Variants in WDR33 observed in about 807,000 individuals in gnomAD.
WDR33 encodes the protein WD repeat domain 33, also known as pre-mRNA 3' end processing protein WDR33.
WDR33 carries 47 observed loss-of-function variants against 164.9 expected under a neutral mutation model. The observed-to-expected ratio is 0.29, with a 90% CI of 0.23 to 0.36. The LOEUF is 0.36. WDR33 is among the 10% of genes least tolerant of loss of function. The pLI is 1.00. For synonymous variants in WDR33, 505 were observed against 589.0 expected (o/e 0.86, Z 2.06); for missense variants, 1,137 against 1,754.1 (o/e 0.65, Z 6.28).
At position 127,786,641 on chromosome 2, in the gene WDR33, G is replaced by A. The variant is rs377711139; in HGVS notation, c.-23-15637C>T. On this transcript the variant is annotated intron_variant, in intron 1 of 21. Coordinates refer to ENST00000322313, the MANE Select transcript of WDR33 (RefSeq NM_018383.5). ...GGAGATTTCAGTGAGCCAAGATTGC[G>A]TCACTGCACTCCAGCCTGGGCAAAA... 2.3e-4 allele frequency among the ~76,000 whole-genome samples: 35 copies of A among 152,200 alleles called. 1 individual carries two copies. In the South Asian group the frequency reaches 6.8e-3, roughly 30 times the overall value.
rs770609453 is a variant in WDR33, at chr2:127,726,636, G to C, written c.851+15C>G. The C allele has an allele frequency of 6.2e-7, 1 of 1,613,688 alleles. No homozygotes were observed. Among genetic ancestry groups the C allele is most frequent in the South Asian group, 1.1e-5 (1 of 91,008 alleles). On this transcript the variant is annotated intron_variant, in intron 8 of 21. Transcript: ENST00000322313. This position sits in a 1 kb window ranked among gnomAD's most constrained non-coding sequence, Gnocchi z 4.8. ...CCCTTTGTTCAGGGGCCAAGGTGGG[G>C]TTCCTGTCACTTACAGTGTTGCAAG...
chr2:127,770,709 AAATAAATAAATAAAT>A lies in WDR33; in HGVS notation c.204+54_204+68del, dbSNP rs1687973332. On this transcript the variant is annotated intron_variant, in intron 2 of 21. Coordinates refer to ENST00000322313, the MANE Select transcript of WDR33 (RefSeq NM_018383.5). The surrounding 1 kb of genome is among the most constrained non-coding windows in gnomAD (Gnocchi z 4.9). The stretch of plus-strand genomic sequence containing the variant: ...TCCATCTCAAAATAAATAAATAAAT[AAATAAATAAATAAAT>A]AAATAAATAAATAACCAAAGTTTGG... The A allele has an allele frequency of 1.3e-6, 1 of 781,354 alleles. No homozygotes were observed. Among genetic ancestry groups the A allele is most frequent in the African/African-American group, 2.0e-5 (1 of 51,152 alleles). The allele number at this position is 781,354 out of a possible 1,614,324, so 48.4% of individuals were successfully genotyped here.
chr2:127,765,737 T>G (rs1687801171), intron 4 of WDR33, among the ~76,000 whole-genome samples: 1 of 149,530 alleles, frequency 6.7e-6, no homozygotes, highest in Admixed American at 6.7e-5. Context: ...AAGATAATAA[T>G]AAGTACCGAT....
rs1335141322 is a variant in WDR33, at chr2:127,738,730, C to CAATATA, written c.725-11959_725-11954dup. Among the ~76,000 whole-genome samples, 2 of 152,152 alleles carry CAATATA rather than the reference C, an allele frequency of 1.3e-5. No individual in the cohort carries two copies. The highest frequency in any genetic ancestry group is 2.9e-5 in the Non-Finnish European group (2 of 68,036). ...TAAATCACAACTGAGGGACATTCTG[C>CAATATA]AATATACTATACAACTTCTCATCAA... On this transcript the variant is annotated intron_variant, in intron 7 of 21. Transcript: ENST00000322313. The surrounding 1 kb of genome is among the most constrained non-coding windows in gnomAD (Gnocchi z 4.4).
intron 1 of WDR33, among the ~76,000 whole-genome samples, chr2:127,805,831 T>C (rs538094520): frequency 1.1e-4 from 16 of 152,176 alleles, no homozygotes; most frequent in Non-Finnish European, 1.9e-4. Flanking sequence ...TGACCCTTGA[T>C]TTCATTCGTA....
Position 127,726,614 on chromosome 2 carries a change from T to A in WDR33, c.851+37A>T. 1 of 1,610,332 alleles carries A rather than the reference T, an allele frequency of 6.2e-7. No individual in the cohort carries two copies. The highest frequency in any genetic ancestry group is 8.5e-7 in the Non-Finnish European group (1 of 1,178,304). ...TAAAGGACACACTGCTTTGCTCCCC[T>A]TTGTTCAGGGGCCAAGGTGGGGTTC... On this transcript the variant is annotated intron_variant, in intron 8 of 21. Transcript: ENST00000322313. This position sits in a 1 kb window ranked among gnomAD's most constrained non-coding sequence, Gnocchi z 4.8.
chr2:127,783,075 C>G (rs1688431144), intron 1 of WDR33, among the ~76,000 whole-genome samples: 2 of 152,140 alleles, frequency 1.3e-5, no homozygotes, highest in African/African-American at 4.8e-5. Flanking sequence ...AATGCTACAC[C>G]ATTTTATTTA....
rs1446058915 is a variant in WDR33, at chr2:127,701,521, T to C, written c.*4802A>G. On this transcript the variant is annotated 3_prime_UTR_variant, in exon 22 of 22. Transcript: ENST00000322313. ...CAGCTTTTCCTTTCTGCCACCGCCT[T>C]GTCCAAGATGGCGGACCTCCACCGC... The C allele has an allele frequency of 4.6e-6, 6 of 1,305,706 alleles. No homozygotes were observed. The highest frequency in any genetic ancestry group is 5.9e-6 in the Non-Finnish European group (6 of 1,023,956). The allele number at this position is 1,305,706 out of a possible 1,614,324, so 80.9% of individuals were successfully genotyped here.
Position 127,763,205 on chromosome 2 carries a change from CA to C in WDR33, c.627-47del. The C allele has an allele frequency of 6.2e-7, 1 of 1,613,306 alleles. No individual in the cohort carries two copies. Among genetic ancestry groups the C allele is most frequent in the East Asian group, 2.2e-5 (1 of 44,850 alleles). On this transcript the variant is annotated intron_variant, in intron 6 of 21. Transcript: ENST00000322313. This position sits in a 1 kb window ranked among gnomAD's most constrained non-coding sequence, Gnocchi z 4.5. ...GCAGGGGAAAGAAGTCAGCATTTAA[CA>C]GATAATCTGTGCTTCTCAGACAGGG...
intron 1 of WDR33, among the ~76,000 whole-genome samples, chr2:127,809,057 T>C (rs1382922900): frequency 6.8e-6 from 1 of 147,752 alleles, no homozygotes; most frequent in Non-Finnish European, 1.5e-5. Context: ...AAAAAAAGAA[T>C]TCCAGAAACA....
At chr2:127,795,825 C>T (rs1165464157) in intron 1 of WDR33, among the ~76,000 whole-genome samples, 1 of 147,482 alleles carries the variant, frequency 6.8e-6, no homozygotes, top group Non-Finnish European at 1.5e-5. Flanking sequence ...CACAGCAAGG[C>T]TTTGTCTCCG....
rs183878008 is a variant in WDR33, at chr2:127,713,004, G to A, written c.3308+579C>T. Among the ~76,000 whole-genome samples, 9 of 152,260 alleles carry A rather than the reference G, an allele frequency of 5.9e-5. No homozygotes were observed. Among genetic ancestry groups the A allele is most frequent in the Non-Finnish European group, 1.0e-4 (7 of 68,028 alleles). On this transcript the variant is annotated intron_variant, in intron 18 of 21. Coordinates refer to ENST00000322313, the MANE Select transcript of WDR33 (RefSeq NM_018383.5). This position sits in a 1 kb window ranked among gnomAD's most constrained non-coding sequence, Gnocchi z 6.2. Reference sequence around the variant, plus strand: ...ATTCCTGGCCTCAAGCGATCCTCCTGCCTCAGCCACCCAAAGTGCTGGGAT... The same window carrying A: ...ATTCCTGGCCTCAAGCGATCCTCCTACCTCAGCCACCCAAAGTGCTGGGAT...
In WDR33 at chr2:127,702,929, G is replaced by GT. The variant is rs1453561528; in HGVS notation, c.*3393dup. The GT allele has an allele frequency of 6.0e-6, 1 of 167,046 alleles. No individual in the cohort carries two copies. Among genetic ancestry groups the GT allele is most frequent in the Non-Finnish European group, 1.5e-5 (1 of 68,116 alleles). The allele number at this position is 167,046 out of a possible 1,614,324, so 10.3% of individuals were successfully genotyped here. On this transcript the variant is annotated 3_prime_UTR_variant, in exon 22 of 22. Coordinates refer to ENST00000322313, the MANE Select transcript of WDR33 (RefSeq NM_018383.5). ...AGATAATTCTAGATCCGGAATACCT[G>GT]TATCTGGTGGAAACCATGGATTTCT...
At chr2:127,734,044 C>T (rs982460779) in intron 7 of WDR33, among the ~76,000 whole-genome samples, 4 of 152,204 alleles carry the variant, frequency 2.6e-5, no homozygotes, top group African/African-American at 9.6e-5. Context: ...TACAAATCAA[C>T]TTTCACTTTC....
intron 7 of WDR33, chr2:127,762,451 G>T: frequency 1.1e-6 from 1 of 918,884 alleles, no homozygotes; most frequent in Non-Finnish European, 1.3e-6. Context: ...ATATTCTAAT[G>T]CATAATCTAA....
At chr2:127,734,711 T>TC (rs1686796451) in intron 7 of WDR33, among the ~76,000 whole-genome samples, 1 of 152,112 alleles carries the variant, frequency 6.6e-6, no homozygotes, top group South Asian at 2.1e-4. Flanking sequence ...ATTTGTAGGG[T>TC]TACATAGTGC....
At chr2:127,766,452 A>G (rs1230790410) in intron 4 of WDR33, among the ~76,000 whole-genome samples, 1 of 152,130 alleles carries the variant, frequency 6.6e-6, no homozygotes, top group Non-Finnish European at 1.5e-5. Flanking sequence ...TCTGGTATGG[A>G]TCCTAACCCG....
chr2:127,768,297 CA>C lies in WDR33; in HGVS notation c.274-5del. ...ACATTCCTATAGGTGGGACCAGCTA[CA>C]AAAAAGGAAAATTGGGTTCTTAGAG... On this transcript the variant is annotated splice_region_variant and splice_polypyrimidine_tract_variant and intron_variant, in intron 3 of 21. Coordinates refer to ENST00000322313, the MANE Select transcript of WDR33 (RefSeq NM_018383.5). 1.3e-6 allele frequency: 2 copies of C among 1,517,632 alleles called. No individual in the cohort carries two copies. Among genetic ancestry groups the C allele is most frequent in the East Asian group, 2.4e-5 (1 of 42,372 alleles). The allele number at this position is 1,517,632 out of a possible 1,614,324, so 94.0% of individuals were successfully genotyped here. A position where few individuals can be genotyped will look rare whatever the true frequency, so the allele number is the denominator to read the frequency against.
intron 8 of WDR33, 55 bp from the exon 9 acceptor site, chr2:127,725,270 A>T: frequency 6.5e-7 from 1 of 1,527,686 alleles, no homozygotes; most frequent in Non-Finnish European, 8.8e-7. Context: ...TATAAATACA[A>T]TGGCCATTTT....
Sources: allele counts gnomAD v4.1 joint callset (sites outside exome capture counted in the v4.1 genomes callset), GRCh38; gene constraint gnomAD v4.1.1; non-coding constraint Gnocchi (gnomAD v3.1); transcripts MANE v1.5; gene names NCBI Gene and HGNC (gene_info 2026-07-23, HGNC 2026-07-21).